Variants in CHRM5 observed in about 807,000 individuals in gnomAD.
CHRM5 encodes the protein muscarinic acetylcholine receptor M5.
In CHRM5, 18 loss-of-function variants were observed where a neutral mutation model predicts 39.0. The ratio of observed to expected loss-of-function variants is 0.46; its 90% CI spans 0.32 to 0.68. The LOEUF is 0.68. Ranked by LOEUF, CHRM5 falls within the 30% of genes least tolerant of loss-of-function variation. CHRM5 has a pLI of 0.04. For synonymous variants in CHRM5, 241 were observed against 246.3 expected, an observed-to-expected ratio of 0.98 and a Z score of 0.20; for missense variants, 515 against 651.1, an observed-to-expected ratio of 0.79 and a Z score of 2.28.
chr15:34,034,701 A>T (rs1899035477), intron 1 of CHRM5, among the ~76,000 whole-genome samples: 1 of 152,216 alleles, frequency 6.6e-6, no homozygotes, highest in Non-Finnish European at 1.5e-5. Flanking sequence ...CAGTGAGAAA[A>T]GCAACTTAAA....
chr15:33,978,827 A>G (rs1274673583), intron 1 of CHRM5, among the ~76,000 whole-genome samples: 1 of 152,194 alleles, frequency 6.6e-6, no homozygotes, highest in Non-Finnish European at 1.5e-5. Flanking sequence ...CCACAAACTT[A>G]GAAGAAACCA....
intron 1 of CHRM5, among the ~76,000 whole-genome samples, chr15:34,036,105 T>G (rs562092440): frequency 5.1e-4 from 56 of 108,936 alleles, no homozygotes; most frequent in Middle Eastern, 0.013. Flanking sequence ...CAGTTTTGTG[T>G]TTTTTTTTTA....
chr15:34,020,050 A>G (rs879538270), intron 1 of CHRM5, among the ~76,000 whole-genome samples: 41 of 152,314 alleles, frequency 2.7e-4, no homozygotes, highest in Admixed American at 2.5e-3. Flanking sequence ...AGTGGTTCAC[A>G]CCTGTAATCC....
chr15:34,058,397 CA>C (rs1900229179), intron 2 of CHRM5, among the ~76,000 whole-genome samples: 1 of 152,026 alleles, frequency 6.6e-6, no homozygotes, highest in Non-Finnish European at 1.5e-5. Flanking sequence ...GAATAAAAAT[CA>C]AAATGGAGCC....
At chr15:34,036,270 C>G (rs1027723575) in intron 1 of CHRM5, among the ~76,000 whole-genome samples, 2 of 152,132 alleles carry the variant, frequency 1.3e-5, no homozygotes, top group African/African-American at 2.4e-5. Flanking sequence ...ACTTAGTACT[C>G]AACTAAGTTA....
chr15:33,994,502 G>A (rs758622450), intron 1 of CHRM5, among the ~76,000 whole-genome samples: 9 of 152,120 alleles, frequency 5.9e-5, no homozygotes, highest in African/African-American at 2.2e-4. Context: ...TCCTGAAACC[G>A]TCATCCTCAC....
intron 1 of CHRM5, among the ~76,000 whole-genome samples, chr15:33,988,139 A>C (rs1896557487): frequency 6.6e-6 from 1 of 152,224 alleles, no homozygotes; most frequent in African/African-American, 2.4e-5. Context: ...TTAACCAACC[A>C]CAAACCTTCT....
intron 1 of CHRM5, among the ~76,000 whole-genome samples, chr15:34,016,754 T>C (rs887611390): frequency 3.9e-5 from 6 of 152,138 alleles, no homozygotes; most frequent in Admixed American, 3.3e-4. Flanking sequence ...AACCGTTTGG[T>C]CAAAAACAAA....
chr15:34,007,005 T>G, intron 1 of CHRM5: 1 of 932,776 alleles, frequency 1.1e-6, no homozygotes, highest in South Asian at 4.9e-5. Context: ...ATAAATATTG[T>G]TACAAAATTA....
In CHRM5 at chr15:34,017,491, T is replaced by TTTTG. The variant is rs976619089; in HGVS notation, c.-407-29046_-407-29045insGTTT. On this transcript the variant is annotated intron_variant, in intron 1 of 2. Transcript: ENST00000383263. ...CAGTATGATTTTTTTTTTGTTTTTTTTTTTTTTTTGAGACAGGGTCTTGCT... is the reference window on the plus strand; with the variant it reads ...CAGTATGATTTTTTTTTTGTTTTTTTTTTGTTTTTTTTTGAGACAGGGTCTTGCT... Among the ~76,000 whole-genome samples the TTTTG allele has an allele frequency of 1.0e-4, 9 of 87,238 alleles. No individual in the cohort carries two copies. In the South Asian group the frequency reaches 1.6e-3, roughly 15 times the overall value. 57.2% of individuals were successfully genotyped at this position (87,238 alleles called of 152,430 possible).
rs138798825 is a variant in CHRM5 at position 34,030,506 on chromosome 15, C to T, written c.-407-16034C>T. On this transcript the variant is annotated intron_variant, in intron 1 of 2. Transcript: ENST00000383263. The stretch of plus-strand genomic sequence containing the variant: ...GACTACAGCTGCCTGCCACCTCGCC[C>T]GGCTAATTTTTTTGTATTTTTAGTA... Among the ~76,000 whole-genome samples, 949 of 152,064 alleles carry T rather than the reference C, an allele frequency of 6.2e-3. 19 individuals carry two copies. The highest frequency in any genetic ancestry group is 0.044 in the Admixed American group (668 of 15,276).
intron 1 of CHRM5, among the ~76,000 whole-genome samples, chr15:33,986,649 A>G (rs1270009145): frequency 1.3e-5 from 2 of 150,092 alleles, no homozygotes; most frequent in African/African-American, 4.9e-5. Context: ...AAGGCTCTAT[A>G]TCAGGTTTTT....
At chr15:34,056,442 G>A (rs1900153420) in intron 2 of CHRM5, among the ~76,000 whole-genome samples, 1 of 152,200 alleles carries the variant, frequency 6.6e-6, no homozygotes, top group Non-Finnish European at 1.5e-5. Context: ...GGCTAGATAA[G>A]CTAAGCTACC....
At chr15:34,048,037 T>TTG (rs1337362496) in intron 2 of CHRM5, among the ~76,000 whole-genome samples, 5 of 77,120 alleles carry the variant, frequency 6.5e-5, no homozygotes, top group Non-Finnish European at 1.0e-4. Flanking sequence ...GTGTGTGTGT[T>TTG]TGTGTGTGTG....
intron 1 of CHRM5, among the ~76,000 whole-genome samples, chr15:34,015,147 T>G (rs1284984434): frequency 6.6e-6 from 1 of 152,116 alleles, no homozygotes; most frequent in Non-Finnish European, 1.5e-5. Flanking sequence ...TTCAAAGCTG[T>G]TATCATAAGG....
chr15:34,013,908 G>A (rs73387951), intron 1 of CHRM5, among the ~76,000 whole-genome samples: 5 of 152,242 alleles, frequency 3.3e-5, no homozygotes, highest in Admixed American at 2.0e-4. Flanking sequence ...CTGAAGGAAC[G>A]GCTGCTATCT....
At chr15:34,031,689 C>T (rs964663139) in intron 1 of CHRM5, among the ~76,000 whole-genome samples, 7 of 152,082 alleles carry the variant, frequency 4.6e-5, no homozygotes, top group East Asian at 1.9e-4. Flanking sequence ...GTGATATGGG[C>T]GGTAGGAAAC....
intron 1 of CHRM5, among the ~76,000 whole-genome samples, chr15:33,985,236 A>G (rs1421871554): frequency 6.6e-6 from 1 of 151,856 alleles, no homozygotes; most frequent in Non-Finnish European, 1.5e-5. Flanking sequence ...CAGAGACAAA[A>G]GGTGTCTCTG....
chr15:34,028,449 C>A (rs1189975435), intron 1 of CHRM5, among the ~76,000 whole-genome samples: 1 of 152,012 alleles, frequency 6.6e-6, no homozygotes, highest in African/African-American at 2.4e-5. Flanking sequence ...CTATTTGGTC[C>A]CCATATTCAG....
Sources: allele counts gnomAD v4.1 joint callset (sites outside exome capture counted in the v4.1 genomes callset), GRCh38; gene constraint gnomAD v4.1.1; transcripts MANE v1.5; gene names NCBI Gene and HGNC (gene_info 2026-07-23, HGNC 2026-07-21).